CTNND2: variants seen among roughly 807,000 people sequenced by gnomAD.
CTNND2 encodes catenin delta 2, also known as catenin delta-2.
In CTNND2, 22 loss-of-function variants were observed where a neutral mutation model predicts 144.4. The ratio of observed to expected loss-of-function variants is 0.15; its 90% CI spans 0.11 to 0.22. CTNND2 has a LOEUF of 0.22. Ranked by LOEUF, CTNND2 falls within the 10% of genes least tolerant of loss-of-function variation. CTNND2 has a pLI of 1.00. For missense variants in CTNND2, 1,353 were observed against 1,618.8 expected, an observed-to-expected ratio of 0.84 and a Z score of 2.82; for synonymous variants, 751 against 695.6, an observed-to-expected ratio of 1.08 and a Z score of -1.25.
At position 11,515,893 on chromosome 5, in the gene CTNND2, A is replaced by C. The variant is rs184707890; in HGVS notation, c.287+49051T>G. ...GGGTGGAAGCTTGCTTAAGCTCAGG[A>C]GTTCGAAACCAGCCTGGGCAACATA... On this transcript the variant is annotated intron_variant, in intron 3 of 21. Coordinates refer to ENST00000304623, the MANE Select transcript of CTNND2 (RefSeq NM_001332.4). Among the ~76,000 whole-genome samples, 20 of 152,212 alleles carry C rather than the reference A, an allele frequency of 1.3e-4. No individual in the cohort carries two copies. In the East Asian group the frequency reaches 3.9e-3, roughly 29 times the overall value.
intron 2 of CTNND2, among the ~76,000 whole-genome samples, chr5:11,608,012 T>A (rs778827970): frequency 9.2e-5 from 14 of 152,090 alleles, no homozygotes; most frequent in Non-Finnish European, 1.9e-4. Context: ...TCCCAACAAA[T>A]CTAGAAATAG....
At chr5:11,379,813 A>G (rs1318428189) in intron 7 of CTNND2, among the ~76,000 whole-genome samples, 1 of 152,144 alleles carries the variant, frequency 6.6e-6, no homozygotes, top group East Asian at 1.9e-4. Context: ...ACAAGCACAT[A>G]TGACCATGTC....
chr5:11,082,590 G>A (rs1204578884), intron 16 of CTNND2, 106 bp downstream of exon 16: 9 of 1,297,126 alleles, frequency 6.9e-6, no homozygotes, highest in East Asian at 2.3e-5. Context: ...ATAAATGCAC[G>A]GCTTCTGTGT....
chr5:11,601,250 G>A (rs1779777131), intron 2 of CTNND2, among the ~76,000 whole-genome samples: 1 of 152,044 alleles, frequency 6.6e-6, no homozygotes, highest in Admixed American at 6.6e-5. Context: ...CATTGTTTCT[G>A]TTTCCCATAG....
chr5:11,648,482 G>A (rs1581664675), intron 2 of CTNND2, among the ~76,000 whole-genome samples: 1 of 152,040 alleles, frequency 6.6e-6, no homozygotes, highest in African/African-American at 2.4e-5. Context: ...ACCCACTTGG[G>A]TTCAGCTTTA....
chr5:11,391,649 T>G (rs1438367831), intron 6 of CTNND2, among the ~76,000 whole-genome samples: 1 of 152,248 alleles, frequency 6.6e-6, no homozygotes, highest in East Asian at 1.9e-4. Flanking sequence ...CGAGAAAAGT[T>G]TGATTTTGTC....
intron 10 of CTNND2, among the ~76,000 whole-genome samples, chr5:11,227,769 T>C (rs908402844): frequency 6.6e-6 from 1 of 152,184 alleles, no homozygotes; most frequent in African/African-American, 2.4e-5. Flanking sequence ...TAATCTGAAT[T>C]TAGCCAAAAT....
chr5:11,640,401 C>T (rs1318502109), intron 2 of CTNND2, among the ~76,000 whole-genome samples: 1 of 152,220 alleles, frequency 6.6e-6, no homozygotes, highest in African/African-American at 2.4e-5. Flanking sequence ...TGAACATTTC[C>T]TTAGCAATTA....
intron 8 of CTNND2, among the ~76,000 whole-genome samples, chr5:11,350,474 C>G (rs928579418): frequency 2.6e-5 from 4 of 151,870 alleles, no homozygotes; most frequent in African/African-American, 7.3e-5. Context: ...AGATGAGAAA[C>G]AACTTTCAAA....
intron 3 of CTNND2, among the ~76,000 whole-genome samples, chr5:11,484,606 T>C (rs1332203084): frequency 6.6e-6 from 1 of 152,214 alleles, no homozygotes; most frequent in Non-Finnish European, 1.5e-5. Context: ...CCCCCATATA[T>C]ACCCAAGACA....
chr5:11,844,692 A>ATG (rs1358156054), intron 1 of CTNND2, among the ~76,000 whole-genome samples: 1 of 152,190 alleles, frequency 6.6e-6, no homozygotes, highest in African/African-American at 2.4e-5. Flanking sequence ...GGTACCATGT[A>ATG]TATTCTGTGC....
At position 11,656,091 on chromosome 5, in the gene CTNND2, T is replaced by A. The variant is rs1285845625; in HGVS notation, c.174+76045A>T. ...TCAGGATTTTAGAATTCAGACATGG[T>A]TACATAAAAAGAGAACCATAAATTG... On this transcript the variant is annotated intron_variant, in intron 2 of 21. Coordinates refer to ENST00000304623, the MANE Select transcript of CTNND2 (RefSeq NM_001332.4). Among the ~76,000 whole-genome samples, 3 of 152,130 alleles carry A rather than the reference T, an allele frequency of 2.0e-5. No individual in the cohort carries two copies. In the East Asian group the frequency reaches 5.8e-4, roughly 29 times the overall value.
At chr5:11,048,879 T>C (rs1441811470) in intron 16 of CTNND2, among the ~76,000 whole-genome samples, 3 of 152,230 alleles carry the variant, frequency 2.0e-5, no homozygotes, top group Non-Finnish European at 2.9e-5. Context: ...AGCTTGGCAC[T>C]GTTGATATTT....
At chr5:11,720,480 A>C (rs537465410) in intron 2 of CTNND2, among the ~76,000 whole-genome samples, 1 of 152,290 alleles carries the variant, frequency 6.6e-6, no homozygotes, top group East Asian at 1.9e-4. Context: ...TATTGAACAA[A>C]AGTTTGGTTC....
chr5:11,224,237 G>T (rs539739672), intron 10 of CTNND2, among the ~76,000 whole-genome samples: 2 of 152,036 alleles, frequency 1.3e-5, no homozygotes, highest in African/African-American at 4.8e-5. Flanking sequence ...CAAAGCACTG[G>T]CCCAATAATT....
intron 2 of CTNND2, among the ~76,000 whole-genome samples, chr5:11,650,072 A>C (rs1049799194): frequency 6.6e-6 from 1 of 152,104 alleles, no homozygotes; most frequent in Non-Finnish European, 1.5e-5. Context: ...TCCCCACCCA[A>C]ATCTCTTGTT....
chr5:11,401,358 C>G (rs954767103), intron 5 of CTNND2, among the ~76,000 whole-genome samples: 1 of 152,196 alleles, frequency 6.6e-6, no homozygotes, highest in Non-Finnish European at 1.5e-5. Context: ...CCTTAGAATA[C>G]AGTAGACCTT....
chr5:11,565,312 G>A (rs971950458), intron 2 of CTNND2, among the ~76,000 whole-genome samples: 2 of 152,196 alleles, frequency 1.3e-5, no homozygotes, highest in African/African-American at 4.8e-5. Flanking sequence ...TAATAAGATG[G>A]ATATGAGGAT....
At chr5:11,443,224 T>TGTGTGTG (rs1764445534) in intron 3 of CTNND2, among the ~76,000 whole-genome samples, 1 of 112,608 alleles carries the variant, frequency 8.9e-6, no homozygotes, top group African/African-American at 3.6e-5. Flanking sequence ...GTGTGGTGTG[T>TGTGTGTG]ATGTGTGTGT....
Sources: gnomAD v4.1 joint callset for allele counts (sites outside exome capture counted in the v4.1 genomes callset) on GRCh38, gnomAD v4.1.1 for gene constraint, MANE v1.5 for transcripts, NCBI Gene and HGNC (gene_info 2026-07-23, HGNC 2026-07-21) for gene names.